FAM20B: variants seen among roughly 807,000 people sequenced by gnomAD.
FAM20B encodes FAM20B glycosaminoglycan xylosylkinase.
FAM20B carries 23 observed loss-of-function variants against 43.8 expected under a neutral mutation model. The observed-to-expected ratio is 0.53, with a 90% CI of 0.38 to 0.74. The LOEUF (loss-of-function observed/expected upper bound fraction) is 0.74. Among genes scored for constraint, FAM20B ranks in the 30% least tolerant of loss-of-function variants. The pLI is 0.00. For synonymous variants in FAM20B, 178 were observed against 192.4 expected (o/e 0.93, Z 0.62); for missense variants, 440 against 510.5 (o/e 0.86, Z 1.33).
chr1:179,058,190 G>C (rs1450767305), intron 4 of FAM20B, among the ~76,000 whole-genome samples: 1 of 152,156 alleles, frequency 6.6e-6, no homozygotes, highest in Non-Finnish European at 1.5e-5. Context: ...AGATCTATCA[G>C]ATTAGTCACT....
intron 1 of FAM20B, among the ~76,000 whole-genome samples, chr1:179,041,685 A>AGGGAGAC (rs1285472679): frequency 7.0e-6 from 1 of 143,678 alleles, no homozygotes; most frequent in East Asian, 2.0e-4. Flanking sequence ...GGAGAGGGAG[A>AGGGAGAC]GGGAGACGGG....
intron 2 of FAM20B, among the ~76,000 whole-genome samples, chr1:179,046,893 G>T (rs916278450): frequency 5.9e-5 from 9 of 151,980 alleles, no homozygotes; most frequent in African/African-American, 2.2e-4. Flanking sequence ...CTACTCGGAA[G>T]GCTGAGGCAG....
intron 1 of FAM20B, among the ~76,000 whole-genome samples, chr1:179,033,532 T>C (rs779712466): frequency 6.6e-6 from 1 of 152,222 alleles, no homozygotes; most frequent in Non-Finnish European, 1.5e-5. Flanking sequence ...ATAATTGTTT[T>C]TAGTCACGTA....
At chr1:179,064,163 A>C (rs2102521769) in intron 5 of FAM20B, 65 bp downstream of exon 5, 1 of 1,469,772 alleles carries the variant, frequency 6.8e-7, no homozygotes. Flanking sequence ...AACTCTGTAA[A>C]GGAGCCAGCA....
chr1:179,066,717 T>C (rs987706627), intron 6 of FAM20B, 83 bp from the exon 7 acceptor site: 2 of 907,970 alleles, frequency 2.2e-6, no homozygotes, highest in African/African-American at 1.6e-5. Flanking sequence ...CATTTGAGTT[T>C]CATATAGAAT....
At chr1:179,055,559 G>T (rs560609569) in intron 4 of FAM20B, among the ~76,000 whole-genome samples, 1 of 152,256 alleles carries the variant, frequency 6.6e-6, no homozygotes, top group South Asian at 2.1e-4. Flanking sequence ...TATTGTATCA[G>T]ATATTTGTTT....
chr1:179,032,509 G>A (rs1033437181), intron 1 of FAM20B, among the ~76,000 whole-genome samples: 2 of 151,888 alleles, frequency 1.3e-5, no homozygotes, highest in African/African-American at 4.8e-5. Flanking sequence ...ACCCAGAGAG[G>A]TCAGAAGTTA....
chr1:179,040,628 C>T lies in FAM20B; in HGVS notation c.-133-3087C>T, dbSNP rs1232400266. ...TAGGGGCGGCCGGGCAGAGGCGCCC[C>T]TCACCTCCCGGACGGGGCGGCTGGC... On this transcript the variant is annotated intron_variant, in intron 1 of 7. Coordinates refer to ENST00000263733, the MANE Select transcript of FAM20B (RefSeq NM_014864.4). Among the ~76,000 whole-genome samples the T allele has an allele frequency of 4.3e-5, 6 of 140,460 alleles. 1 individual carries two copies. Among genetic ancestry groups the T allele is most frequent in the African/African-American group, 1.4e-4 (5 of 34,592 alleles). 92.1% of individuals were successfully genotyped at this position (140,460 alleles called of 152,430 possible).
upstream of FAM20B, chr1:179,025,857 C>T (rs921966822): frequency 2.8e-5 from 3 of 106,394 alleles, no homozygotes; most frequent in Admixed American, 1.4e-4. Flanking sequence ...TACGCTAGGA[C>T]GGTACCAACA....
At chr1:179,048,097 T>C (rs1650856851) in intron 2 of FAM20B, among the ~76,000 whole-genome samples, 1 of 152,208 alleles carries the variant, frequency 6.6e-6, no homozygotes. Flanking sequence ...GTGATTTTTT[T>C]TTTAATGTAG....
intron 1 of FAM20B, among the ~76,000 whole-genome samples, chr1:179,036,178 A>G (rs1650219447): frequency 6.6e-6 from 1 of 152,144 alleles, no homozygotes; most frequent in Non-Finnish European, 1.5e-5. Flanking sequence ...CAAGCCCCAT[A>G]TAGCTGATGG....
chr1:179,044,180 A>C lies in FAM20B; in HGVS notation c.333A>C (p.Leu111Phe). The C allele has an allele frequency of 6.2e-7, 1 of 1,613,086 alleles. No homozygotes were observed. The highest frequency in any genetic ancestry group is 1.1e-5 in the South Asian group (1 of 91,018). The change falls in exon 2 of 8, where the codon TTA (leucine) becomes TTC (phenylalanine). Residue 111 changes from leucine (L) to phenylalanine (F), a missense_variant. Leu to Phe is a conservative substitution (Grantham distance 22). Transcript: ENST00000263733. ...ATAAAGGGACACAGCTGAAAGCCTT[A>C]CTGATACTTGAAGGAGGCCAGAAAG... is the stretch of plus-strand genomic sequence containing the variant. ...VGYKGTQLKA[L>F]LILEGGQKVV...
chr1:179,057,275 A>G (rs1651260650), intron 4 of FAM20B, among the ~76,000 whole-genome samples: 1 of 152,008 alleles, frequency 6.6e-6, no homozygotes, highest in Non-Finnish European at 1.5e-5. Flanking sequence ...AACCCAGGAG[A>G]CAGAGGTTGC....
At position 179,065,134 on chromosome 1, in the gene FAM20B, G is replaced by T. The variant is rs187639295; in HGVS notation, c.938+638G>T. Among the ~76,000 whole-genome samples the T allele has an allele frequency of 4.1e-3, 620 of 151,486 alleles. 4 individuals are homozygous for T. The highest frequency in any genetic ancestry group is 6.0e-3 in the Non-Finnish European group (407 of 67,862). On this transcript the variant is annotated intron_variant, in intron 6 of 7. Coordinates refer to ENST00000263733, the MANE Select transcript of FAM20B (RefSeq NM_014864.4). ...TATTCTGCATTCTCTGTGGTGGCCG[G>T]TTTAGTGCCACACTTTTTTTTTTTA...
chr1:179,032,548 G>A (rs1181182421), intron 1 of FAM20B, among the ~76,000 whole-genome samples: 2 of 151,988 alleles, frequency 1.3e-5, no homozygotes, highest in Non-Finnish European at 2.9e-5. Context: ...CACATTAGGT[G>A]GTAAAGGAAG....
At chr1:179,019,673 G>C in the FAM20B span, among the ~76,000 whole-genome samples, 1 of 152,058 alleles carries the variant, frequency 6.6e-6, no homozygotes, top group African/African-American at 2.4e-5. Flanking sequence ...TGTTGGTCAG[G>C]CTGGTCTCAA....
chr1:179,054,199 A>T (rs1651119004), intron 3 of FAM20B, among the ~76,000 whole-genome samples: 1 of 151,754 alleles, frequency 6.6e-6, no homozygotes, highest in South Asian at 2.1e-4. Flanking sequence ...ACTTTCCTAA[A>T]ATCTATTTTT....
intron 3 of FAM20B, among the ~76,000 whole-genome samples, chr1:179,051,685 C>T (rs1446234165): frequency 6.6e-6 from 1 of 152,096 alleles, no homozygotes; most frequent in Non-Finnish European, 1.5e-5. Context: ...CTCACTCTGT[C>T]CTCCAGACTG....
chr1:179,072,060 C>T lies in FAM20B; in HGVS notation c.1146C>T (p.Val382=). Residue 382 remains valine (V), a synonymous_variant, in exon 8 of 8, where the codon GTC becomes GTT. Transcript: ENST00000263733. ...CCGTGGACCAGCGGCTCCTGAGTGT[C>T]CTGGCCACCGTGAAGCAGTGCACCG... ...LDAVDQRLLS[V]LATVKQCTDQ... is the part of the protein sequence containing the mutation. 6.2e-7 allele frequency: 1 copy of T among 1,614,178 alleles called. No homozygotes were observed. The highest frequency in any genetic ancestry group is 1.3e-5 in the African/African-American group (1 of 75,044).
Sources: gnomAD v4.1 joint callset for allele counts (sites outside exome capture counted in the v4.1 genomes callset) on GRCh38, gnomAD v4.1.1 for gene constraint, MANE v1.5 for transcripts, NCBI Gene and HGNC (gene_info 2026-07-23, HGNC 2026-07-21) for gene names.